The following ANKRD36 variants were observed in gnomAD, a reference collection of about 807,000 sequenced individuals.
ANKRD36 encodes the protein ankyrin repeat domain-containing protein 36A.
Under a neutral mutation model 278.1 loss-of-function variants are expected in ANKRD36, and 179 were observed. The observed-to-expected ratio is 0.64, with a 90% CI of 0.57 to 0.73. The LOEUF (loss-of-function observed/expected upper bound fraction) is 0.73, where lower values mean the gene tolerates loss of function less well. ANKRD36 is among the 30% of genes least tolerant of loss of function. The pLI is 0.00. For missense variants in ANKRD36, 1,159 were observed against 1,956.7 expected (o/e 0.59, Z 7.69); for synonymous variants, 320 against 641.1 (o/e 0.50, Z 7.57).
At chr2:97,183,679 G>T in intron 28 of ANKRD36, 25 bp downstream of exon 28, 2 of 1,555,828 alleles carry the variant, frequency 1.3e-6, no homozygotes, top group East Asian at 4.8e-5. Flanking sequence ...CACATTTAAT[G>T]TCATGTGCAC....
At chr2:97,174,028 G>A (rs1420681777) in intron 22 of ANKRD36, among the ~76,000 whole-genome samples, 2 of 151,092 alleles carry the variant, frequency 1.3e-5, no homozygotes, top group Non-Finnish European at 3.0e-5. Context: ...CAATAATCAT[G>A]ACAATCATGA....
chr2:97,200,675 G>C (rs1262535032), intron 46 of ANKRD36, 150 bp downstream of exon 46: 5 of 1,313,538 alleles, frequency 3.8e-6, no homozygotes, highest in Non-Finnish European at 5.1e-6. Flanking sequence ...GGGTTATGCT[G>C]ATGCTGCTTG....
chr2:97,210,874 T>C (rs1165083096), intron 56 of ANKRD36, among the ~76,000 whole-genome samples: 1 of 151,886 alleles, frequency 6.6e-6, no homozygotes, highest in African/African-American at 2.4e-5. Context: ...GGCTAATATA[T>C]TATCCTTTGG....
chr2:97,231,421 C>T (rs1359817764), intron 67 of ANKRD36, among the ~76,000 whole-genome samples: 6 of 152,152 alleles, frequency 3.9e-5, no homozygotes, highest in African/African-American at 1.2e-4. Flanking sequence ...ACTCCATGGG[C>T]GCAGGACCCT....
At chr2:97,217,408 T>C in intron 64 of ANKRD36, 36 bp downstream of exon 64, 3 of 1,548,928 alleles carry the variant, frequency 1.9e-6, no homozygotes, top group Non-Finnish European at 2.6e-6. Context: ...TCATGTGCAC[T>C]CAAGATAGAA....
intron 54 of ANKRD36, among the ~76,000 whole-genome samples, chr2:97,208,419 T>C (rs1575980316): frequency 6.8e-6 from 1 of 146,400 alleles, no homozygotes; most frequent in East Asian, 2.0e-4. Flanking sequence ...GTGGGAGAAC[T>C]AAGGAGACCC....
At chr2:97,181,686 T>C (rs766987355) in intron 25 of ANKRD36, 35 bp from the exon 26 acceptor site, 2 of 1,606,322 alleles carry the variant, frequency 1.2e-6, no homozygotes, top group Admixed American at 3.4e-5. Context: ...AAACCTACTT[T>C]ACATATTGAT....
At chr2:97,157,229 A>G (rs935752969) in intron 15 of ANKRD36, among the ~76,000 whole-genome samples, 28 of 149,774 alleles carry the variant, frequency 1.9e-4, no homozygotes, top group Admixed American at 5.4e-4. Flanking sequence ...TAGTAAACAA[A>G]TTAAACTTTT....
chr2:97,252,687 C>G (rs1330837308), intron 75 of ANKRD36, among the ~76,000 whole-genome samples: 1 of 143,010 alleles, frequency 7.0e-6, no homozygotes, highest in Non-Finnish European at 1.5e-5. Context: ...AGGATGGTCT[C>G]CATCTCCTGA....
intron 4 of ANKRD36, 90 bp downstream of exon 4, chr2:97,123,083 A>G (rs977970941): frequency 2.9e-6 from 3 of 1,050,358 alleles, no homozygotes; most frequent in African/African-American, 1.6e-5. Flanking sequence ...TATTACATTA[A>G]TAAGAAGACT....
In ANKRD36 at chr2:97,244,123, C is replaced by T. The variant is rs1458695224; in HGVS notation, c.4491+94C>T. 1.8e-5 allele frequency: 26 copies of T among 1,433,164 alleles called. 2 individuals carry two copies. Among genetic ancestry groups the T allele is most frequent in the African/African-American group, 4.3e-5 (3 of 70,290 alleles). 88.8% of individuals were successfully genotyped at this position (1,433,164 alleles called of 1,614,324 possible). A position where few individuals can be genotyped will look rare whatever the true frequency, so the allele number is the denominator to read the frequency against. ...TTAACGTATATTATTTAGGCCTGAA[C>T]AATCCCCAAATTTTATTTCATCTTA... On this transcript the variant is annotated intron_variant, in intron 70 of 75. Coordinates refer to ENST00000420699, the MANE Select transcript of ANKRD36 (RefSeq NM_001354587.1).
chr2:97,116,083 G>A (rs3202654), intron 1 of ANKRD36, among the ~76,000 whole-genome samples: 19 of 151,990 alleles, frequency 1.3e-4, no homozygotes, highest in Non-Finnish European at 1.8e-4. Flanking sequence ...TGTACAAAAT[G>A]TAACATTTCT....
chr2:97,176,221 G>C (rs1414738205), intron 22 of ANKRD36, among the ~76,000 whole-genome samples: 1 of 151,542 alleles, frequency 6.6e-6, no homozygotes, highest in Non-Finnish European at 1.5e-5. Flanking sequence ...GTTGACAGTG[G>C]GGTGTTAAAG....
chr2:97,117,047 CTTT>C (rs58474116), intron 1 of ANKRD36, among the ~76,000 whole-genome samples: 22 of 143,508 alleles, frequency 1.5e-4, no homozygotes, highest in Non-Finnish European at 1.2e-4. Context: ...TCTTTTATTC[CTTT>C]TTTTTTTTTT....
intron 66 of ANKRD36, among the ~76,000 whole-genome samples, chr2:97,220,775 A>AT (rs58512786): frequency 0.029 from 1,804 of 62,096 alleles, 3 homozygotes; most frequent in African/African-American, 0.076. Context: ...TTTTTTTTTA[A>AT]TTTTTTTTTT....
chr2:97,153,779 G>T (rs2046725952), intron 14 of ANKRD36, among the ~76,000 whole-genome samples: 1 of 147,862 alleles, frequency 6.8e-6, no homozygotes, highest in Non-Finnish European at 1.5e-5. Flanking sequence ...ATTTGAAGAT[G>T]TAGATTGGAG....
chr2:97,140,730 G>T (rs1559296912), intron 6 of ANKRD36, among the ~76,000 whole-genome samples: 1 of 151,994 alleles, frequency 6.6e-6, no homozygotes, highest in African/African-American at 2.4e-5. Flanking sequence ...GTCAGAATGG[G>T]ATTGTACGAA....
At chr2:97,164,878 G>A (rs191396897) in intron 20 of ANKRD36, among the ~76,000 whole-genome samples, 4 of 152,114 alleles carry the variant, frequency 2.6e-5, no homozygotes, top group East Asian at 1.9e-4. Context: ...TTATTTCAGC[G>A]TTGTTACATT....
At position 97,204,083 on chromosome 2, in the gene ANKRD36, C is replaced by T; in HGVS notation, c.2975C>T (p.Pro992Leu). 3 of 1,574,876 alleles carry T rather than the reference C, an allele frequency of 1.9e-6. No homozygotes were observed. Among genetic ancestry groups the T allele is most frequent in the Non-Finnish European group, 2.6e-6 (3 of 1,162,570 alleles). ...TACTTTTCAGTGTCTTCTGAGAAAC[C>T]ACCAGGCTTGAAGGTAATGAAACTG... is the stretch of plus-strand genomic sequence containing the variant. ...EKSRTVSSEK[P>L]PGLKATSDEK... Residue 992 changes from proline (P) to leucine (L), a missense_variant, in exon 49 of 76, where the codon CCA becomes CTA. Transcript: ENST00000420699.
Sources: allele counts gnomAD v4.1 joint callset (sites outside exome capture counted in the v4.1 genomes callset), GRCh38; gene constraint gnomAD v4.1.1; transcripts MANE v1.5; gene names NCBI Gene and HGNC (gene_info 2026-07-23, HGNC 2026-07-21).